The following ZNF487 variants were observed in gnomAD, a reference collection of about 807,000 sequenced individuals.
The protein encoded by ZNF487 is zinc finger protein 487, also known as KRAB domain only 1.
Under a neutral mutation model 3.0 loss-of-function variants are expected in ZNF487, and 4 were observed. The observed-to-expected ratio is 1.35, with a 90% confidence interval of 0.66 to 3.08. The LOEUF is 3.08. Ranked by LOEUF, ZNF487 falls within the 30% of genes most tolerant of loss-of-function variation. The pLI is 0.01. For missense variants in ZNF487, 146 were observed against 98.7 expected, an observed-to-expected ratio of 1.48 and a Z score of -2.03; for synonymous variants, 55 against 34.6, an observed-to-expected ratio of 1.59 and a Z score of -2.06.
At chr10:43,448,157 T>G (rs1839879587) in intron 1 of ZNF487, among the ~76,000 whole-genome samples, 1 of 151,608 alleles carries the variant, frequency 6.6e-6, no homozygotes, top group Admixed American at 6.6e-5. Context: ...GCCCGGCTAA[T>G]TTTTTGTATT....
At chr10:43,454,672 G>A (rs761716092) in intron 1 of ZNF487, 2 of 152,164 alleles carry the variant, frequency 1.3e-5, no homozygotes, top group Non-Finnish European at 2.9e-5. Context: ...TGATTTTGAT[G>A]TACTTATGCT....
chr10:43,439,966 T>G (rs1056719523), intron 1 of ZNF487, among the ~76,000 whole-genome samples: 1 of 152,070 alleles, frequency 6.6e-6, no homozygotes, highest in African/African-American at 2.4e-5. Flanking sequence ...GTTCTAGAGA[T>G]CTGTTTCACA....
intron 1 of ZNF487, among the ~76,000 whole-genome samples, chr10:43,456,280 G>A (rs1459419139): frequency 6.6e-6 from 1 of 152,202 alleles, no homozygotes; most frequent in Admixed American, 6.6e-5. Flanking sequence ...TAAAAACAGA[G>A]CAGCACTTGT....
intron 1 of ZNF487, among the ~76,000 whole-genome samples, chr10:43,469,117 C>G (rs1414296558): frequency 1.3e-5 from 2 of 151,862 alleles, no homozygotes; most frequent in African/African-American, 2.4e-5. Context: ...CACTAGCAGT[C>G]ATCAACATTG....
intron 1 of ZNF487, among the ~76,000 whole-genome samples, chr10:43,469,009 AAAAAAG>A (rs1840809974): frequency 6.6e-6 from 1 of 150,808 alleles, no homozygotes; most frequent in African/African-American, 2.4e-5. Flanking sequence ...AAAAAAAAAA[AAAAAAG>A]AAAAAGAAAG....
chr10:43,481,553 A>T lies in ZNF487; in HGVS notation c.255A>T (p.Thr85=). Residue 85 remains threonine (T), a synonymous_variant, in exon 4 of 4, where the codon ACA becomes ACT. Transcript: ENST00000437590. ...TMDRNGVLGK[T]FSLDTNPILS... is the part of the protein sequence containing the mutation. ...ACAGAAATGGTGTATTAGGAAAAAC[A>T]TTTTCTCTTGACACAAACCCCATTC... is the stretch of plus-strand genomic sequence containing the variant. 1.4e-6 allele frequency: 1 copy of T among 710,770 alleles called. No individual in the cohort carries two copies. Among genetic ancestry groups the T allele is most frequent in the South Asian group, 1.5e-5 (1 of 65,174 alleles). 44.0% of individuals were successfully genotyped at this position (710,770 alleles called of 1,614,324 possible). A position where few individuals can be genotyped will look rare whatever the true frequency, so the allele number is the denominator to read the frequency against.
intron 1 of ZNF487, among the ~76,000 whole-genome samples, chr10:43,444,971 A>G (rs770076561): frequency 7.2e-5 from 11 of 152,098 alleles, no homozygotes; most frequent in Non-Finnish European, 1.0e-4. Context: ...CCAGTTATGT[A>G]TATCTTAGGC....
chr10:43,507,119 A>G, the ZNF487 span, among the ~76,000 whole-genome samples: 559 of 152,220 alleles, frequency 3.7e-3, 3 homozygotes, highest in African/African-American at 0.013. Flanking sequence ...TGGTGTGTTT[A>G]TAGGTGGTTT....
chr10:43,457,114 A>C (rs979014539), intron 1 of ZNF487, among the ~76,000 whole-genome samples: 1 of 152,158 alleles, frequency 6.6e-6, no homozygotes, highest in Admixed American at 6.6e-5. Context: ...GTGAATGTCC[A>C]GGTCATCCCA....
At chr10:43,457,014 T>A (rs757355710) in intron 1 of ZNF487, among the ~76,000 whole-genome samples, 1 of 152,172 alleles carries the variant, frequency 6.6e-6, no homozygotes, top group Non-Finnish European at 1.5e-5. Context: ...GCTTCCACCA[T>A]GCTTACTCAG....
intron 1 of ZNF487, among the ~76,000 whole-genome samples, chr10:43,460,258 T>C (rs1409544621): frequency 6.6e-6 from 1 of 152,152 alleles, no homozygotes; most frequent in Non-Finnish European, 1.5e-5. Context: ...AAATGTTAAA[T>C]CAGCCTATTT....
At chr10:43,457,709 T>A (rs1475557629) in intron 1 of ZNF487, among the ~76,000 whole-genome samples, 2 of 128,100 alleles carry the variant, frequency 1.6e-5, no homozygotes, top group Non-Finnish European at 3.3e-5. Context: ...AAAAAAAAAA[T>A]TCCTCATGAG....
chr10:43,471,685 C>G (rs1295894854), intron 1 of ZNF487, among the ~76,000 whole-genome samples: 1 of 152,186 alleles, frequency 6.6e-6, no homozygotes, highest in African/African-American at 2.4e-5. Context: ...CAGGTTGCCC[C>G]TTCCCTGAAG....
downstream of ZNF487, among the ~76,000 whole-genome samples, chr10:43,483,880 C>T (rs544528241): frequency 6.6e-6 from 1 of 151,934 alleles, no homozygotes; most frequent in African/African-American, 2.4e-5. Context: ...GAGATGGAGT[C>T]TCACTCTGTT....
At chr10:43,467,475 T>A (rs1270519947) in intron 1 of ZNF487, among the ~76,000 whole-genome samples, 1 of 152,052 alleles carries the variant, frequency 6.6e-6, no homozygotes, top group African/African-American at 2.4e-5. Context: ...AGTGCTGTTA[T>A]TGCAGGTGTG....
Position 43,451,599 on chromosome 10 carries a change from C to T in ZNF487, c.-94+14337C>T, listed in dbSNP as rs192835583. Among the ~76,000 whole-genome samples, 720 of 151,472 alleles carry T rather than the reference C, an allele frequency of 4.8e-3. 7 individuals carry two copies. The highest frequency in any genetic ancestry group is 0.017 in the African/African-American group (695 of 41,250). ...TTTTCTTTTGAGATGGAGTTTTGCT[C>T]TTGTTGCCCAGGCTGGAGTGCAATG... is the stretch of plus-strand genomic sequence containing the variant. On this transcript the variant is annotated intron_variant, in intron 1 of 3. Coordinates refer to ENST00000437590, the MANE Select transcript of ZNF487 (RefSeq NM_001355444.3).
At chr10:43,499,300 CT>C in the ZNF487 span, among the ~76,000 whole-genome samples, 1 of 152,068 alleles carries the variant, frequency 6.6e-6, no homozygotes, top group Non-Finnish European at 1.5e-5. Flanking sequence ...AGCTGCACCC[CT>C]GACCAAAAAA....
chr10:43,491,756 T>G, the ZNF487 span, among the ~76,000 whole-genome samples: 1 of 151,742 alleles, frequency 6.6e-6, no homozygotes, highest in African/African-American at 2.4e-5. Flanking sequence ...TCTTAATGTC[T>G]TATTTTGTAG....
At chr10:43,508,236 A>AG in the ZNF487 span, among the ~76,000 whole-genome samples, 62 of 152,342 alleles carry the variant, frequency 4.1e-4, no homozygotes, top group African/African-American at 1.5e-3. Context: ...TAATGATTTG[A>AG]GGCTCTCTGG....
Sources: gnomAD v4.1 joint callset for allele counts (sites outside exome capture counted in the v4.1 genomes callset) on GRCh38, gnomAD v4.1.1 for gene constraint, MANE v1.5 for transcripts, NCBI Gene and HGNC (gene_info 2026-07-23, HGNC 2026-07-21) for gene names.